Variants in ALDH1A3 observed in about 807,000 individuals in gnomAD.
ALDH1A3 encodes the protein retinaldehyde dehydrogenase 3.
In ALDH1A3, 28 loss-of-function variants were observed where a neutral mutation model predicts 57.5. That is an observed-to-expected ratio of 0.49 (90% confidence interval 0.36 to 0.67). The LOEUF (loss-of-function observed/expected upper bound fraction) is 0.67. Ranked by LOEUF, ALDH1A3 falls within the 30% of genes least tolerant of loss-of-function variation. The probability of loss-of-function intolerance (pLI) is 0.00; values close to 1 mark genes in which losing one functional copy is unlikely to be tolerated. For missense variants in ALDH1A3, 507 were observed against 669.4 expected (o/e 0.76, Z 2.68); for synonymous variants, 281 against 264.8 (o/e 1.06, Z -0.59).
chr15:100,895,692 C>A (rs552611153), intron 6 of ALDH1A3: 289 of 558,110 alleles, frequency 5.2e-4, no homozygotes, highest in African/African-American at 9.0e-4. Flanking sequence ...GGTCCCCCCC[C>A]AGAAGGAGAA....
chr15:100,902,071 G>A (rs1314391541), intron 9 of ALDH1A3, among the ~76,000 whole-genome samples: 2 of 152,198 alleles, frequency 1.3e-5, no homozygotes, highest in Non-Finnish European at 2.9e-5. Flanking sequence ...TATTGAATCC[G>A]CCGTGAGTTT....
At chr15:100,882,154 T>G (rs951391310) in intron 1 of ALDH1A3, among the ~76,000 whole-genome samples, 3 of 152,228 alleles carry the variant, frequency 2.0e-5, no homozygotes, top group Non-Finnish European at 4.4e-5. Context: ...TTCTCGATAA[T>G]GGGGCACACA....
At chr15:100,895,559 C>A in intron 6 of ALDH1A3, 2 of 234,176 alleles carry the variant, frequency 8.5e-6, no homozygotes, top group South Asian at 9.9e-5. Context: ...CTCCCCTTAA[C>A]GCATACACAC....
intron 3 of ALDH1A3, among the ~76,000 whole-genome samples, chr15:100,890,911 A>G (rs1183004158): frequency 6.6e-6 from 1 of 152,214 alleles, no homozygotes; most frequent in Non-Finnish European, 1.5e-5. Context: ...GTGAAAATCT[A>G]TAGGAACCAA....
intron 1 of ALDH1A3, among the ~76,000 whole-genome samples, chr15:100,882,346 A>G (rs2041554771): frequency 6.6e-6 from 1 of 152,242 alleles, no homozygotes; most frequent in African/African-American, 2.4e-5. Context: ...CACAGATCTC[A>G]GAGGATAGAA....
intron 12 of ALDH1A3, among the ~76,000 whole-genome samples, chr15:100,908,692 C>G (rs1036878207): frequency 8.5e-5 from 13 of 152,352 alleles, no homozygotes; most frequent in Middle Eastern, 3.4e-3. Context: ...AGCCTGCCCC[C>G]CTCCAGGCCT....
rs915806673 is a variant in ALDH1A3, at chr15:100,896,063, G to A, written c.780+17G>A. The A allele has an allele frequency of 6.3e-6, 10 of 1,589,540 alleles. No homozygotes were observed. Among genetic ancestry groups the A allele is most frequent in the Non-Finnish European group, 8.6e-6 (10 of 1,164,678 alleles). On this transcript the variant is annotated intron_variant, in intron 7 of 12. Coordinates refer to ENST00000329841, the MANE Select transcript of ALDH1A3 (RefSeq NM_000693.4). The stretch of plus-strand genomic sequence containing the variant: ...TCCACAGAGGTAACCCTCCTCACAG[G>A]GTGCTGGGGAAAGTGAAAGGGGCGT...
At position 100,900,689 on chromosome 15, in the gene ALDH1A3, G is replaced by A. The variant is rs970489996; in HGVS notation, c.998G>A (p.Arg333Gln). 3.1e-6 allele frequency: 5 copies of A among 1,614,134 alleles called. No individual in the cohort carries two copies. The highest frequency in any genetic ancestry group is 2.2e-5 in the East Asian group (1 of 44,872). The change falls in exon 9 of 13, where the codon CGG (arginine) becomes CAG (glutamine). Residue 333 changes from arginine to glutamine, a missense_variant. Physicochemically the swap from Arg to Gln is conservative, Grantham distance 43 (BLOSUM62 1). Around this residue, in one of 2 missense-constraint regions of ALDH1A3, gnomAD observed 432 missense variants for 608.4 expected, o/e 0.71. Coordinates refer to ENST00000329841, the MANE Select transcript of ALDH1A3 (RefSeq NM_000693.4). The stretch of plus-strand genomic sequence containing the variant: ...CAGGTCTACTCTGAGTTTGTCAGGC[G>A]GAGCGTGGAGTATGCCAAGAAACGG... The part of the protein sequence containing the change: ...EEQVYSEFVR[R>Q]SVEYAKKRPV...
At chr15:100,910,019 G>A (rs4646688) in intron 12 of ALDH1A3, among the ~76,000 whole-genome samples, 2 of 152,030 alleles carry the variant, frequency 1.3e-5, no homozygotes, top group Non-Finnish European at 2.9e-5. Flanking sequence ...TGGGGCCTTT[G>A]TGTGGCTCTC....
At chr15:100,898,571 A>G (rs1183675501) in intron 8 of ALDH1A3, among the ~76,000 whole-genome samples, 1 of 152,048 alleles carries the variant, frequency 6.6e-6, no homozygotes, top group Non-Finnish European at 1.5e-5. Flanking sequence ...GCCCACTCCC[A>G]GTCATTCATT....
intron 1 of ALDH1A3, 121 bp from the exon 2 acceptor site, chr15:100,885,146 G>A: frequency 2.9e-6 from 2 of 699,488 alleles, no homozygotes; most frequent in Non-Finnish European, 5.1e-6. Flanking sequence ...TCGAAGGGGA[G>A]AGGGAAGCAG....
In ALDH1A3 at chr15:100,894,365, A is replaced by AG. The variant is rs4646667; in HGVS notation, c.666+290dup. On this transcript the variant is annotated intron_variant, in intron 6 of 12. Coordinates refer to ENST00000329841, the MANE Select transcript of ALDH1A3 (RefSeq NM_000693.4). The surrounding 1 kb of genome is among the most constrained non-coding windows in gnomAD (Gnocchi z 4.5). ...CCAGTGGTTTGTCTAGAGAATTTTC[A>AG]GGGGGGGTCAACCAAGAGGGAGCCA... 0.011 allele frequency: 2,955 copies of AG among 274,756 alleles called. 79 individuals are homozygous for AG. Among genetic ancestry groups the AG allele is most frequent in the African/African-American group, 0.055 (2,520 of 46,140 alleles). The allele number at this position is 274,756 out of a possible 1,614,324, so 17.0% of individuals were successfully genotyped here.
rs907640835 is a variant in ALDH1A3 at position 100,898,190 on chromosome 15, G to C, written c.883+5G>C. 1 of 1,612,930 alleles carries C rather than the reference G, an allele frequency of 6.2e-7. No homozygotes were observed. Among genetic ancestry groups the C allele is most frequent in the Non-Finnish European group, 8.5e-7 (1 of 1,179,232 alleles). On this transcript the variant is annotated splice_donor_5th_base_variant and intron_variant, in intron 8 of 12. Coordinates refer to ENST00000329841, the MANE Select transcript of ALDH1A3 (RefSeq NM_000693.4). ...TCGTGTGTGCGGACGCTGACTGTGA[G>C]TCTCTGCCCTCCTGGGCTTTGCTGG...
At chr15:100,905,423 G>A in intron 9 of ALDH1A3, 100 bp from the exon 10 acceptor site, 1 of 1,420,620 alleles carries the variant, frequency 7.0e-7, no homozygotes, top group Admixed American at 1.8e-5. Context: ...AGAACATGCA[G>A]AGGGAGGATG....
chr15:100,885,406 C>T (rs1446818807), intron 2 of ALDH1A3, 35 bp downstream of exon 2: 1 of 1,458,778 alleles, frequency 6.9e-7, no homozygotes, highest in Non-Finnish European at 9.6e-7. Flanking sequence ...CTAAGTAATT[C>T]AATTATGGAT....
At chr15:100,900,803 G>A (rs1174100270) in intron 9 of ALDH1A3, 44 bp downstream of exon 9, 2 of 1,592,172 alleles carry the variant, frequency 1.3e-6, no homozygotes, top group Admixed American at 1.7e-5. Flanking sequence ...TTGTCTAGGG[G>A]CTGAAGCAGG....
intron 11 of ALDH1A3, among the ~76,000 whole-genome samples, chr15:100,907,545 C>A (rs564052881): frequency 6.6e-6 from 1 of 152,342 alleles, no homozygotes; most frequent in African/African-American, 2.4e-5. Flanking sequence ...GCTCCAGTAC[C>A]TGTGCCTGTG....
Position 100,887,467 on chromosome 15 carries a change from C to T in ALDH1A3, c.205-105C>T, listed in dbSNP as rs945005707. On this transcript the variant is annotated intron_variant, in intron 2 of 12. Coordinates refer to ENST00000329841, the MANE Select transcript of ALDH1A3 (RefSeq NM_000693.4). This position sits in a 1 kb window ranked among gnomAD's most constrained non-coding sequence, Gnocchi z 4.6. ...CAAAAGATGACACCCAAACTGCAGT[C>T]ACCTCAAAAGATGACACCCAAACTT... 7.5e-7 allele frequency: 1 copy of T among 1,329,636 alleles called. No individual in the cohort carries two copies. Among genetic ancestry groups the T allele is most frequent in the Non-Finnish European group, 1.0e-6 (1 of 999,176 alleles). 82.4% of individuals were successfully genotyped at this position (1,329,636 alleles called of 1,614,324 possible). A position where few individuals can be genotyped will look rare whatever the true frequency, so the allele number is the denominator to read the frequency against.
intron 7 of ALDH1A3, among the ~76,000 whole-genome samples, chr15:100,897,348 T>A (rs928694631): frequency 6.6e-6 from 1 of 152,248 alleles, no homozygotes; most frequent in African/African-American, 2.4e-5. Flanking sequence ...TTCCCAGCTC[T>A]GAAGTTCGTG....
Sources: allele counts gnomAD v4.1 joint callset (sites outside exome capture counted in the v4.1 genomes callset), GRCh38; gene constraint gnomAD v4.1.1; regional missense constraint gnomAD v4.1.1; non-coding constraint Gnocchi (gnomAD v3.1); transcripts MANE v1.5; gene names NCBI Gene and HGNC (gene_info 2026-07-23, HGNC 2026-07-21).